SEMA4D: variants seen among roughly 807,000 people sequenced by gnomAD.
SEMA4D encodes semaphorin 4D.
Under a neutral mutation model 74.8 loss-of-function variants are expected in SEMA4D, and 22 were observed. That is an observed-to-expected ratio of 0.29 (90% CI 0.21 to 0.42). The LOEUF (loss-of-function observed/expected upper bound fraction) is 0.42. Among genes scored for constraint, SEMA4D ranks in the 10% least tolerant of loss-of-function variants. The pLI, the probability that SEMA4D is intolerant of heterozygous loss-of-function variation, is 1.00. For synonymous variants in SEMA4D, 445 were observed against 463.7 expected, an observed-to-expected ratio of 0.96 and a Z score of 0.52; for missense variants, 937 against 1,118.4, an observed-to-expected ratio of 0.84 and a Z score of 2.31.
At chr9:89,372,352 T>TCTGA (rs1835210787), downstream of SEMA4D, among the ~76,000 whole-genome samples, 1 of 102,036 alleles carries the variant, frequency 9.8e-6, no homozygotes, top group African/African-American at 3.9e-5. Flanking sequence ...GGGTGTGGTG[T>TCTGA]GGTGTGTGTC....
At chr9:89,419,674 AGGCCGAGGCG>A (rs1436654950) in intron 2 of SEMA4D, among the ~76,000 whole-genome samples, 1 of 152,204 alleles carries the variant, frequency 6.6e-6, no homozygotes, top group African/African-American at 2.4e-5. Flanking sequence ...ACACTTTAGG[AGGCCGAGGCG>A]GGTGGATCAC....
chr9:89,374,042 C>G (rs1267233415), downstream of SEMA4D, among the ~76,000 whole-genome samples: 1 of 152,256 alleles, frequency 6.6e-6, no homozygotes, highest in Non-Finnish European at 1.5e-5. Flanking sequence ...CTCTCCTAAG[C>G]TGGTGCTCCC....
At position 89,381,265 on chromosome 9, in the gene SEMA4D, C is replaced by T. The variant is rs910535413; in HGVS notation, c.1528G>A (p.Glu510Lys). Residue 510 changes from glutamate (E) to lysine (K), a missense_variant, in exon 14 of 16, where the codon GAG becomes AAG. Glu to Lys is a moderately conservative substitution (Grantham distance 56, BLOSUM62 1). Coordinates refer to ENST00000422704, the MANE Select transcript of SEMA4D (RefSeq NM_001371194.2). The surrounding 1 kb of genome is among the most constrained non-coding windows in gnomAD (Gnocchi z 4.6). The stretch of plus-strand genomic sequence containing the variant: ...GGGTCCCGCGCCAGCACACAGTCCT[C>T]GCAGGTGCCGTGCTTCCCACAGAAG... ...LAFCGKHGTC[E>K]DCVLARDPYC... The T allele has an allele frequency of 3.1e-6, 5 of 1,595,896 alleles. No individual in the cohort carries two copies. Among genetic ancestry groups the T allele is most frequent in the Admixed American group, 1.7e-5 (1 of 58,452 alleles).
intron 1 of SEMA4D, among the ~76,000 whole-genome samples, chr9:89,477,653 G>A (rs911224745): frequency 2.6e-5 from 4 of 152,212 alleles, no homozygotes; most frequent in African/African-American, 9.7e-5. Context: ...GTGTACTTAT[G>A]CATGCACGCA....
chr9:89,412,831 G>GTTTTT (rs965215053), intron 2 of SEMA4D, among the ~76,000 whole-genome samples: 3 of 150,922 alleles, frequency 2.0e-5, no homozygotes, highest in Non-Finnish European at 4.4e-5. Flanking sequence ...ACACTGGAGG[G>GTTTTT]TTTTTTTTTC....
intron 1 of SEMA4D, among the ~76,000 whole-genome samples, chr9:89,463,464 T>G (rs1222466214): frequency 6.6e-6 from 1 of 152,220 alleles, no homozygotes; most frequent in Non-Finnish European, 1.5e-5. Context: ...GCAGGGCTAC[T>G]TGGGGGCTTT....
At chr9:89,461,003 T>C (rs561193126) in intron 1 of SEMA4D, among the ~76,000 whole-genome samples, 1 of 152,266 alleles carries the variant, frequency 6.6e-6, no homozygotes, top group Non-Finnish European at 1.5e-5. Flanking sequence ...CACCTAATCC[T>C]ACAGTCATGC....
At chr9:89,466,204 C>T (rs773303771) in intron 1 of SEMA4D, among the ~76,000 whole-genome samples, 2 of 152,104 alleles carry the variant, frequency 1.3e-5, no homozygotes, top group Admixed American at 1.3e-4. Context: ...ATCAGGCACA[C>T]GAAATGCTCA....
chr9:89,401,086 G>A (rs372336352), intron 4 of SEMA4D, among the ~76,000 whole-genome samples: 8 of 152,176 alleles, frequency 5.3e-5, no homozygotes, highest in African/African-American at 1.2e-4. Context: ...ACAGGGTCTC[G>A]CTCTGTTGCC....
Position 89,411,094 on chromosome 9 carries a change from G to A in SEMA4D, c.-243-5395C>T, listed in dbSNP as rs779980468. On this transcript the variant is annotated intron_variant, in intron 2 of 15. Transcript: ENST00000422704. ...CGAGTGGAGGAGAGGCAGAGAGAGCGGGGAGCTGGGGAGCAGGCAGAGGCT... is the reference window on the plus strand; with the variant it reads ...CGAGTGGAGGAGAGGCAGAGAGAGCAGGGAGCTGGGGAGCAGGCAGAGGCT... Among the ~76,000 whole-genome samples, 196 of 152,298 alleles carry A rather than the reference G, an allele frequency of 1.3e-3. 1 individual carries two copies. The highest frequency in any genetic ancestry group is 3.2e-4 in the Non-Finnish European group (22 of 68,024).
At chr9:89,384,575 A>T (rs1837984614) in intron 13 of SEMA4D, 1 of 837,088 alleles carries the variant, frequency 1.2e-6, no homozygotes, top group Non-Finnish European at 1.4e-6. Context: ...ATGGCTGCAA[A>T]ACAACGTGAA....
chr9:89,430,284 C>G (rs1435336945), intron 2 of SEMA4D, among the ~76,000 whole-genome samples: 1 of 152,190 alleles, frequency 6.6e-6, no homozygotes, highest in African/African-American at 2.4e-5. Context: ...AGCCAAAGAG[C>G]AAACCCTCCA....
At chr9:89,397,988 G>A (rs893359799) in intron 5 of SEMA4D, among the ~76,000 whole-genome samples, 3 of 152,106 alleles carry the variant, frequency 2.0e-5, no homozygotes, top group Admixed American at 6.5e-5. Flanking sequence ...AGGGACGGAC[G>A]TGTGCCAAGA....
chr9:89,462,958 G>GGGAGGGC, intron 1 of SEMA4D, among the ~76,000 whole-genome samples: 1 of 90,288 alleles, frequency 1.1e-5, no homozygotes, highest in African/African-American at 4.2e-5. Context: ...AAGGAGGGGG[G>GGGAGGGC]AGCGAGCGAG....
At chr9:89,365,364 C>T (rs1344104767) in intron 16 of SEMA4D, 1 of 152,338 alleles carries the variant, frequency 6.6e-6, no homozygotes, top group Admixed American at 6.5e-5. Flanking sequence ...CCAGGCACCC[C>T]AGCAGCGTGG....
intron 16 of SEMA4D, chr9:89,364,580 A>C (rs545541232): frequency 1.2e-5 from 2 of 160,574 alleles, no homozygotes; most frequent in Admixed American, 1.1e-4. Context: ...ATGGGCTTCC[A>C]GCCTTGAGCA....
chr9:89,385,425 G>C (rs1838226533), intron 13 of SEMA4D: 1 of 985,424 alleles, frequency 1.0e-6, no homozygotes, highest in South Asian at 4.7e-5. Flanking sequence ...AACGAGGCTG[G>C]GGTGAGGCCC....
chr9:89,468,565 G>C (rs1859342600), intron 1 of SEMA4D, among the ~76,000 whole-genome samples: 1 of 152,082 alleles, frequency 6.6e-6, no homozygotes, highest in African/African-American at 2.4e-5. Context: ...ATTTTTCTTG[G>C]GTTTTTCAAA....
intron 2 of SEMA4D, among the ~76,000 whole-genome samples, chr9:89,416,676 A>G (rs1416177741): frequency 6.6e-5 from 10 of 152,150 alleles, no homozygotes; most frequent in Admixed American, 6.5e-4. Context: ...GGTCGCTTAT[A>G]AGGAGGAGGA....
Sources: gnomAD v4.1 joint callset for allele counts (sites outside exome capture counted in the v4.1 genomes callset) on GRCh38, gnomAD v4.1.1 for gene constraint, Gnocchi (gnomAD v3.1) non-coding constraint, MANE v1.5 for transcripts, NCBI Gene and HGNC (gene_info 2026-07-23, HGNC 2026-07-21) for gene names.